DNM3: variants seen among roughly 807,000 people sequenced by gnomAD.
DNM3 encodes the protein dynamin-3.
In DNM3, 47 loss-of-function variants were observed where a neutral mutation model predicts 101.6. The observed-to-expected ratio is 0.46, with a 90% CI of 0.37 to 0.59. The LOEUF is 0.59. Among genes scored for constraint, DNM3 ranks in the 20% least tolerant of loss-of-function variants. The pLI is 0.00. For missense variants in DNM3, 849 were observed against 1,085.7 expected (o/e 0.78, Z 3.06); for synonymous variants, 385 against 387.9 (o/e 0.99, Z 0.09).
intron 15 of DNM3, among the ~76,000 whole-genome samples, chr1:172,259,915 T>G (rs1212216347): frequency 5.3e-5 from 8 of 152,146 alleles, no homozygotes; most frequent in Non-Finnish European, 1.2e-4. Flanking sequence ...TTTGCTCCAC[T>G]AGTGGTTTTT....
chr1:171,866,691 T>A (rs1189667284), intron 1 of DNM3, among the ~76,000 whole-genome samples: 1 of 152,208 alleles, frequency 6.6e-6, no homozygotes, highest in Admixed American at 6.5e-5. Context: ...TTTTCTTTTT[T>A]TTAAATAACA....
intron 14 of DNM3, chr1:172,138,752 T>A (rs2057397618): frequency 2.8e-6 from 1 of 359,534 alleles, no homozygotes; most frequent in Non-Finnish European, 5.7e-6. Flanking sequence ...TTGGTGTAGA[T>A]GCTATGGTGT....
intron 8 of DNM3, among the ~76,000 whole-genome samples, chr1:172,043,428 G>GAC (rs2049538337): frequency 1.3e-5 from 2 of 152,178 alleles, no homozygotes; most frequent in Non-Finnish European, 2.9e-5. Context: ...GAGTGCTTAT[G>GAC]TCTTCGTGTG....
At chr1:172,301,346 A>C (rs550623371) in intron 15 of DNM3, among the ~76,000 whole-genome samples, 1 of 152,012 alleles carries the variant, frequency 6.6e-6, no homozygotes, top group Non-Finnish European at 1.5e-5. Context: ...TACTAAAAAT[A>C]GAAAAATTAC....
Position 172,042,027 on chromosome 1 carries a change from T to C in DNM3, c.1011T>C (p.Ala337=). The change falls in exon 8 of 21, where the codon GCT becomes GCC. Residue 337 remains alanine (A), a synonymous_variant. Coordinates refer to ENST00000627582, the MANE Select transcript of DNM3 (RefSeq NM_015569.5). ...ATTACAGGATGGTTCAGCAATTTGC[T>C]GTGGACTTTGAGAAGAGAATTGAAG... The part of the protein sequence containing the change: ...KALLQMVQQF[A]VDFEKRIEGS... 6.3e-7 allele frequency: 1 copy of C among 1,598,804 alleles called. No homozygotes were observed. Among genetic ancestry groups the C allele is most frequent in the Non-Finnish European group, 8.5e-7 (1 of 1,175,834 alleles).
intron 15 of DNM3, chr1:172,289,394 C>A (rs1290184985): frequency 1.8e-5 from 4 of 224,080 alleles, no homozygotes; most frequent in Non-Finnish European, 3.0e-5. Context: ...AATTTACTAT[C>A]ATAAAAGCAT....
intron 1 of DNM3, among the ~76,000 whole-genome samples, chr1:171,899,920 A>C (rs960238525): frequency 6.6e-6 from 1 of 152,240 alleles, no homozygotes; most frequent in Non-Finnish European, 1.5e-5. Flanking sequence ...GACTTGAAGG[A>C]CAAATGGGCA....
chr1:172,063,390 A>G (rs1262933354), intron 10 of DNM3, among the ~76,000 whole-genome samples: 1 of 151,990 alleles, frequency 6.6e-6, no homozygotes, highest in Non-Finnish European at 1.5e-5. Flanking sequence ...TTCTCTAGGA[A>G]AATGTGATCC....
chr1:171,896,561 G>C (rs1293768481), intron 1 of DNM3, among the ~76,000 whole-genome samples: 2 of 152,000 alleles, frequency 1.3e-5, no homozygotes, highest in African/African-American at 4.8e-5. Flanking sequence ...GACACGATGG[G>C]GTTTTCTAAA....
Position 172,410,609 on chromosome 1 carries a change from T to G in DNM3, c.*2768T>G. 1 of 985,060 alleles carries G rather than the reference T, an allele frequency of 1.0e-6. No individual in the cohort carries two copies. Among genetic ancestry groups the G allele is most frequent in the Non-Finnish European group, 1.2e-6 (1 of 829,598 alleles). The allele number at this position is 985,060 out of a possible 1,614,324, so 61.0% of individuals were successfully genotyped here. A position where few individuals can be genotyped will look rare whatever the true frequency, so the allele number is the denominator to read the frequency against. ...ATAGTATTGATTTAGAAAAAGTATA[T>G]TGCATTTCTAAAAAACATCTACCAA... On this transcript the variant is annotated 3_prime_UTR_variant, in exon 21 of 21. Transcript: ENST00000627582.
At chr1:172,284,959 G>A (rs894943408) in intron 15 of DNM3, among the ~76,000 whole-genome samples, 16 of 152,178 alleles carry the variant, frequency 1.1e-4, no homozygotes, top group African/African-American at 3.9e-4. Context: ...AGACTCAGAG[G>A]AAGGAATATT....
chr1:172,182,061 T>C (rs952614046), intron 14 of DNM3, among the ~76,000 whole-genome samples: 1 of 152,056 alleles, frequency 6.6e-6, no homozygotes, highest in African/African-American at 2.4e-5. Flanking sequence ...CTTTGAGTTT[T>C]TGGTTATAAC....
chr1:171,989,129 T>C lies in DNM3; in HGVS notation c.570T>C (p.Ala190=), dbSNP rs1211896511. Residue 190 remains alanine, a synonymous_variant, in exon 4 of 21, where the codon GCT becomes GCC. Transcript: ENST00000627582. The part of the protein sequence containing the change: ...DLANSDALKL[A]KEVDPQGLRT... ...CAAACTCAGATGCGCTGAAGCTAGC[T>C]AAAGAAGTTGATCCTCAAGGTGAGT... 6.2e-7 allele frequency: 1 copy of C among 1,612,850 alleles called. No homozygotes were observed. Among genetic ancestry groups the C allele is most frequent in the Non-Finnish European group, 8.5e-7 (1 of 1,179,272 alleles).
At chr1:171,899,771 T>C (rs543425751) in intron 1 of DNM3, among the ~76,000 whole-genome samples, 1 of 152,318 alleles carries the variant, frequency 6.6e-6, no homozygotes, top group South Asian at 2.1e-4. Context: ...GTTGACAGTC[T>C]GGTTGGGAAG....
At chr1:172,200,960 A>C in intron 14 of DNM3, among the ~76,000 whole-genome samples, 1 of 152,072 alleles carries the variant, frequency 6.6e-6, no homozygotes, top group Non-Finnish European at 1.5e-5. Context: ...AGTTACCACA[A>C]AGTTCTTGTG....
intron 11 of DNM3, among the ~76,000 whole-genome samples, chr1:172,074,204 ATAAGGCAGGG>A (rs1015426632): frequency 2.0e-5 from 3 of 152,132 alleles, no homozygotes; most frequent in African/African-American, 7.2e-5. Flanking sequence ...ACAAAAGAAA[ATAAGGCAGGG>A]TAACACAATA....
intron 17 of DNM3, among the ~76,000 whole-genome samples, chr1:172,323,757 GA>G (rs1446303722): frequency 6.6e-6 from 1 of 152,142 alleles, no homozygotes; most frequent in African/African-American, 2.4e-5. Context: ...CCCCAAACTG[GA>G]GTCTTAAATA....
intron 16 of DNM3, among the ~76,000 whole-genome samples, chr1:172,314,979 G>T (rs1047581927): frequency 1.3e-5 from 2 of 152,200 alleles, no homozygotes; most frequent in African/African-American, 4.8e-5. Context: ...AGCCTAACTG[G>T]GAGGCACCCC....
rs2125768789 is a variant in DNM3, at chr1:172,025,189, G to A, written c.590-7213G>A. On this transcript the variant is annotated intron_variant, in intron 4 of 20. Transcript: ENST00000627582. ...ACAGTGTAAACAAAGCCACTGGGAA[G>A]TTCCAACTGGGTGGAGCCCACTGCA... 2.0e-5 allele frequency among the ~76,000 whole-genome samples: 3 copies of A among 152,354 alleles called. No individual in the cohort carries two copies. In the Middle Eastern group the frequency reaches 0.01, roughly 518 times the overall value.
Sources: gnomAD v4.1 joint callset for allele counts (sites outside exome capture counted in the v4.1 genomes callset) on GRCh38, gnomAD v4.1.1 for gene constraint, MANE v1.5 for transcripts, NCBI Gene and HGNC (gene_info 2026-07-23, HGNC 2026-07-21) for gene names.